The following SAMMSON variants were observed in gnomAD, a reference collection of about 807,000 sequenced individuals.
SAMMSON encodes the protein long intergenic non-protein coding RNA 1212.
intron 9 of SAMMSON, among the ~76,000 whole-genome samples, chr3:70,384,588 T>A (rs1241145847): frequency 6.6e-6 from 1 of 151,990 alleles, no homozygotes; most frequent in Non-Finnish European, 1.5e-5. Flanking sequence ...GTAAATCCAT[T>A]TCCACTGTCA....
At chr3:70,420,506 C>T (rs1701302598) in intron 2 of SAMMSON, among the ~76,000 whole-genome samples, 5 of 152,124 alleles carry the variant, frequency 3.3e-5, no homozygotes, top group Admixed American at 3.3e-4. Context: ...AAATACTGTA[C>T]AGTTGAGTAT....
At chr3:70,400,494 GT>G (rs1258708667) in intron 2 of SAMMSON, among the ~76,000 whole-genome samples, 1 of 152,196 alleles carries the variant, frequency 6.6e-6, no homozygotes, top group African/African-American at 2.4e-5. Context: ...TTGAGGCAGT[GT>G]AAGGCTCTCA....
At chr3:70,418,456 C>G (rs949457296) in intron 2 of SAMMSON, among the ~76,000 whole-genome samples, 1 of 152,202 alleles carries the variant, frequency 6.6e-6, no homozygotes, top group Non-Finnish European at 1.5e-5. Context: ...CTTGCTTACT[C>G]TTGCCTTTGC....
intron 4 of SAMMSON, among the ~76,000 whole-genome samples, chr3:70,153,390 C>G (rs2067579420): frequency 6.6e-6 from 1 of 151,884 alleles, no homozygotes; most frequent in Admixed American, 6.6e-5. Context: ...TTGGGGGAAC[C>G]CTGCAAGTCA....
intron 7 of SAMMSON, among the ~76,000 whole-genome samples, chr3:70,309,287 A>C (rs914750892): frequency 2.0e-5 from 3 of 152,206 alleles, no homozygotes; most frequent in Non-Finnish European, 2.9e-5. Flanking sequence ...AAATGGGGAC[A>C]GTACCACTGC....
rs528347724 is a variant in SAMMSON at position 70,153,508 on chromosome 3, TA to T, written n.507+81953del. Among the ~76,000 whole-genome samples, 309 of 149,832 alleles carry T rather than the reference TA, an allele frequency of 2.1e-3. 1 individual carries two copies. Among genetic ancestry groups the T allele is most frequent in the African/African-American group, 6.6e-3 (269 of 40,904 alleles). Reference sequence around the variant, plus strand: ...CCTATTAAAAGTGAGGTCATAAATTTAAAAAAAAAATTATTGAAATGTGGCC... The same window carrying T: ...CCTATTAAAAGTGAGGTCATAAATTTAAAAAAAAATTATTGAAATGTGGCC... On this transcript the variant is annotated intron_variant and non_coding_transcript_variant, in intron 4 of 9. Coordinates refer to ENST00000642114, the Ensembl canonical transcript of SAMMSON.
At chr3:70,027,085 A>G (rs147656433) in intron 3 of SAMMSON, among the ~76,000 whole-genome samples, 17 of 152,308 alleles carry the variant, frequency 1.1e-4, no homozygotes, top group African/African-American at 4.1e-4. Context: ...ACTCCTGTTC[A>G]TGATTCAGAA....
chr3:70,282,726 A>T (rs753781294), intron 6 of SAMMSON, among the ~76,000 whole-genome samples: 1 of 152,152 alleles, frequency 6.6e-6, no homozygotes, highest in Non-Finnish European at 1.5e-5. Flanking sequence ...CTTCTTGCTT[A>T]TTTGTCACCA....
intron 3 of SAMMSON, among the ~76,000 whole-genome samples, chr3:70,071,053 T>C (rs2067227308): frequency 6.6e-6 from 1 of 151,980 alleles, no homozygotes; most frequent in Non-Finnish European, 1.5e-5. Flanking sequence ...AATTTTTAAA[T>C]CTTTAAAATC....
chr3:70,144,428 A>G (rs939908724), intron 4 of SAMMSON, among the ~76,000 whole-genome samples: 1 of 152,060 alleles, frequency 6.6e-6, no homozygotes, highest in Non-Finnish European at 1.5e-5. Flanking sequence ...AATTAATAAA[A>G]TTCACCCCTT....
chr3:70,336,857 TGG>T (rs1491467709), intron 7 of SAMMSON, among the ~76,000 whole-genome samples: 4 of 126,406 alleles, frequency 3.2e-5, no homozygotes, highest in Non-Finnish European at 7.0e-5. Flanking sequence ...TGTGTGTGTG[TGG>T]AGAGAGAGAG....
intron 4 of SAMMSON, among the ~76,000 whole-genome samples, chr3:70,185,203 C>G (rs1328471402): frequency 1.3e-5 from 2 of 152,146 alleles, no homozygotes; most frequent in Non-Finnish European, 2.9e-5. Context: ...CGGATCTACT[C>G]CCATCACCAA....
chr3:70,189,772 C>T (rs1325825066), intron 4 of SAMMSON, among the ~76,000 whole-genome samples: 1 of 140,706 alleles, frequency 7.1e-6, no homozygotes, highest in Non-Finnish European at 1.6e-5. Flanking sequence ...AAATGCTTTA[C>T]CTCTGATTTA....
chr3:70,280,672 T>A (rs1292872981), intron 6 of SAMMSON, among the ~76,000 whole-genome samples: 1 of 152,102 alleles, frequency 6.6e-6, no homozygotes, highest in Non-Finnish European at 1.5e-5. Context: ...CCATAGAAAC[T>A]AGAATACCTC....
rs1420550957 is a variant in SAMMSON at position 70,177,454 on chromosome 3, G to A, written n.508-71653G>A. Among the ~76,000 whole-genome samples, 4 of 152,306 alleles carry A rather than the reference G, an allele frequency of 2.6e-5. No individual in the cohort carries two copies. In the East Asian group the frequency reaches 5.8e-4, roughly 22 times the overall value. The stretch of plus-strand genomic sequence containing the variant: ...TAGTCAAATGAAAGGAGAGAGATAC[G>A]ACAGGTTAAGTACATATGTCTGGGG... On this transcript the variant is annotated intron_variant and non_coding_transcript_variant, in intron 4 of 9. Transcript: ENST00000642114.
intron 4 of SAMMSON, among the ~76,000 whole-genome samples, chr3:70,148,329 A>G (rs2067557438): frequency 6.6e-6 from 1 of 152,142 alleles, no homozygotes; most frequent in Non-Finnish European, 1.5e-5. Context: ...CTACACATGA[A>G]TTATTATCCT....
chr3:70,117,056 A>G (rs574557955), intron 4 of SAMMSON, among the ~76,000 whole-genome samples: 2 of 152,330 alleles, frequency 1.3e-5, no homozygotes, highest in East Asian at 3.9e-4. Flanking sequence ...CTTGTTTCCC[A>G]CAAAGATGCT....
At chr3:70,125,671 A>G in intron 4 of SAMMSON, 1 of 699,154 alleles carries the variant, frequency 1.4e-6, no homozygotes, top group Non-Finnish European at 2.6e-6. Flanking sequence ...TTTATTACCT[A>G]CAGGTTGTGG....
At chr3:70,201,836 C>A (rs964108839) in intron 4 of SAMMSON, among the ~76,000 whole-genome samples, 3 of 152,170 alleles carry the variant, frequency 2.0e-5, no homozygotes, top group African/African-American at 7.2e-5. Context: ...AGATCATTTT[C>A]CACTTGCTCT....
Sources: gnomAD v4.1 joint callset for allele counts (sites outside exome capture counted in the v4.1 genomes callset) on GRCh38, gnomAD v4.1.1 for gene constraint, MANE v1.5 for transcripts, NCBI Gene and HGNC (gene_info 2026-07-23, HGNC 2026-07-21) for gene names.